Variants in ARMC9 observed in about 807,000 individuals in gnomAD.
ARMC9 encodes armadillo repeat containing 9, also known as lisH domain-containing protein ARMC9.
A neutral mutation model predicts 107.0 loss-of-function variants in ARMC9; 94 were observed. The observed-to-expected ratio is 0.88, with a 90% CI of 0.74 to 1.04. ARMC9 has a LOEUF of 1.04. Ranked by LOEUF, ARMC9 falls within the 50% of genes least tolerant of loss-of-function variation. The pLI is 0.00. For missense variants in ARMC9, 942 were observed against 1,030.1 expected (o/e 0.91, Z 1.17); for synonymous variants, 380 against 396.9 (o/e 0.96, Z 0.51).
At chr2:231,234,024 C>T (rs1365772645) in intron 7 of ARMC9, among the ~76,000 whole-genome samples, 1 of 151,994 alleles carries the variant, frequency 6.6e-6, no homozygotes, top group African/African-American at 2.4e-5. Context: ...TGTGGTTACC[C>T]AGCAAAAAGG....
chr2:231,332,023 T>TCCATGTTAG, intron 20 of ARMC9, 126 bp downstream of exon 20: 1 of 787,046 alleles, frequency 1.3e-6, no homozygotes. Context: ...TATGAGAAGG[T>TCCATGTTAG]CCATGTTAGC....
chr2:231,359,628 T>C (rs1399112895), intron 22 of ARMC9, among the ~76,000 whole-genome samples: 2 of 152,214 alleles, frequency 1.3e-5, no homozygotes, highest in African/African-American at 4.8e-5. Context: ...CACGTTGTAA[T>C]GGGGTTCCCC....
rs1405185879 is a variant in ARMC9 at position 231,370,094 on chromosome 2, C to T, written c.2403C>T (p.Gly801=). 3 of 1,534,278 alleles carry T rather than the reference C, an allele frequency of 2.0e-6. No individual in the cohort carries two copies. Among genetic ancestry groups the T allele is most frequent in the Non-Finnish European group, 2.6e-6 (3 of 1,145,814 alleles). The change falls in exon 24 of 25, where the codon GGC becomes GGT. Residue 801 remains glycine, a synonymous_variant. Coordinates refer to ENST00000611582, the MANE Select transcript of ARMC9 (RefSeq NM_001352754.2). ...SCGPQQASRP[G]STASSTRGLP... is the part of the protein sequence containing the mutation. ...GCCCCCAGCAGGCCAGCCGCCCCGG[C>T]TCCACAGCGTCCTCCACAAGGGGCC...
In ARMC9 at chr2:231,255,803, C is replaced by T. The variant is rs1275431410; in HGVS notation, c.880-783C>T. Among the ~76,000 whole-genome samples, 2 of 152,090 alleles carry T rather than the reference C, an allele frequency of 1.3e-5. No individual in the cohort carries two copies. Among genetic ancestry groups the T allele is most frequent in the East Asian group, 3.9e-4 (2 of 5,186 alleles). On this transcript the variant is annotated intron_variant, in intron 9 of 24. Coordinates refer to ENST00000611582, the MANE Select transcript of ARMC9 (RefSeq NM_001352754.2). This position sits in a 1 kb window ranked among gnomAD's most constrained non-coding sequence, Gnocchi z 4.7. ...CTGTAATCCCAACACTTTGGGAGGC[C>T]GAGGTGGGCGGATCACGAGGTCAGG...
chr2:231,226,740 A>G, intron 6 of ARMC9, 34 bp from the exon 7 acceptor site: 1 of 1,609,952 alleles, frequency 6.2e-7, no homozygotes, highest in Middle Eastern at 1.7e-4. Context: ...CGTTCCCTGA[A>G]TGCCTGTTTT....
At chr2:231,231,862 T>G (rs761363988) in intron 7 of ARMC9, among the ~76,000 whole-genome samples, 1 of 151,690 alleles carries the variant, frequency 6.6e-6, no homozygotes, top group Admixed American at 6.6e-5. Flanking sequence ...CTAATTTTTG[T>G]ATGTTTAGTA....
chr2:231,206,465 C>G (rs2032008187), intron 2 of ARMC9, among the ~76,000 whole-genome samples, 176 bp downstream of exon 2: 2 of 152,162 alleles, frequency 1.3e-5, no homozygotes, highest in African/African-American at 4.8e-5. Context: ...CTAAACAAAT[C>G]TTAAAGCCAC....
Position 231,371,819 on chromosome 2 carries a change from G to C in ARMC9, c.*284G>C. The C allele has an allele frequency of 5.5e-6, 2 of 361,992 alleles. No homozygotes were observed. Among genetic ancestry groups the C allele is most frequent in the Non-Finnish European group, 9.8e-6 (2 of 203,070 alleles). The allele number at this position is 361,992 out of a possible 1,614,324, so 22.4% of individuals were successfully genotyped here. A position where few individuals can be genotyped will look rare whatever the true frequency, so the allele number is the denominator to read the frequency against. ...GCTCACCCTTCACACACAGAGGAGA[G>C]GGGTGGCTTTTGCCCGCAGGAGATC... is the stretch of plus-strand genomic sequence containing the variant. On this transcript the variant is annotated 3_prime_UTR_variant, in exon 25 of 25. Coordinates refer to ENST00000611582, the MANE Select transcript of ARMC9 (RefSeq NM_001352754.2).
intron 20 of ARMC9, among the ~76,000 whole-genome samples, chr2:231,339,791 G>T (rs2044382896): frequency 6.6e-6 from 1 of 152,180 alleles, no homozygotes; most frequent in Admixed American, 6.5e-5. Flanking sequence ...AATTATTCAG[G>T]CGTGGTAGCA....
chr2:231,268,259 G>A (rs1210019025), intron 12 of ARMC9, among the ~76,000 whole-genome samples: 1 of 152,140 alleles, frequency 6.6e-6, no homozygotes, highest in Non-Finnish European at 1.5e-5. Flanking sequence ...TCTTTATCTG[G>A]TTACTAGTTA....
At chr2:231,347,091 GTTC>G (rs1422816057) in intron 21 of ARMC9, among the ~76,000 whole-genome samples, 1 of 152,162 alleles carries the variant, frequency 6.6e-6, no homozygotes, top group Non-Finnish European at 1.5e-5. Flanking sequence ...TGGGTCAGGT[GTTC>G]TTCTTTGAAG....
chr2:231,367,876 G>A (rs760532510), intron 23 of ARMC9, among the ~76,000 whole-genome samples: 25 of 151,490 alleles, frequency 1.7e-4, no homozygotes, highest in East Asian at 3.9e-4. Flanking sequence ...GCAGCTACTC[G>A]GGAGGCTGAG....
At chr2:231,280,304 A>G (rs1053429206) in intron 16 of ARMC9, among the ~76,000 whole-genome samples, 5 of 152,114 alleles carry the variant, frequency 3.3e-5, no homozygotes, top group Non-Finnish European at 7.4e-5. Flanking sequence ...CTGAAAATAC[A>G]AAAATTAGCC....
chr2:231,325,814 T>C (rs1255842819), intron 19 of ARMC9, among the ~76,000 whole-genome samples: 1 of 152,172 alleles, frequency 6.6e-6, no homozygotes, highest in East Asian at 1.9e-4. Context: ...TTTAAGGAAA[T>C]TTCAGGACAG....
chr2:231,320,250 C>T (rs1312647924), intron 19 of ARMC9, among the ~76,000 whole-genome samples: 1 of 152,164 alleles, frequency 6.6e-6, no homozygotes, highest in Non-Finnish European at 1.5e-5. Flanking sequence ...TGCTTCTCTG[C>T]AGCTCACACC....
At chr2:231,200,618 G>A (rs2030731253) in intron 1 of ARMC9, among the ~76,000 whole-genome samples, 1 of 152,186 alleles carries the variant, frequency 6.6e-6, no homozygotes, top group Non-Finnish European at 1.5e-5. Flanking sequence ...AGGTTGCAGT[G>A]AGCCAGATTG....
chr2:231,286,901 T>C (rs2040630630), intron 17 of ARMC9, among the ~76,000 whole-genome samples: 1 of 152,198 alleles, frequency 6.6e-6, no homozygotes, highest in South Asian at 2.1e-4. Context: ...ATTTGAACTT[T>C]AAGAGCCTGC....
intron 19 of ARMC9, among the ~76,000 whole-genome samples, chr2:231,326,458 A>G (rs1273292768): frequency 6.6e-6 from 1 of 152,216 alleles, no homozygotes; most frequent in Non-Finnish European, 1.5e-5. Flanking sequence ...TGATTGTTGG[A>G]AAAGGCTCTG....
At chr2:231,280,562 A>G (rs1260970083) in intron 16 of ARMC9, among the ~76,000 whole-genome samples, 4 of 152,208 alleles carry the variant, frequency 2.6e-5, no homozygotes, top group Admixed American at 1.3e-4. Context: ...AGAGCCAAGT[A>G]ATATGTTTGC....
Sources: gnomAD v4.1 joint callset for allele counts (sites outside exome capture counted in the v4.1 genomes callset) on GRCh38, gnomAD v4.1.1 for gene constraint, Gnocchi (gnomAD v3.1) non-coding constraint, MANE v1.5 for transcripts, NCBI Gene and HGNC (gene_info 2026-07-23, HGNC 2026-07-21) for gene names.